Variants in TGFBR3 observed in about 807,000 individuals in gnomAD.
TGFBR3 encodes the protein transforming growth factor beta receptor type 3.
A neutral mutation model predicts 87.9 loss-of-function variants in TGFBR3; 46 were observed. The observed-to-expected ratio is 0.52, with a 90% CI of 0.41 to 0.67. The LOEUF is 0.67. TGFBR3 is among the 30% of genes least tolerant of loss of function. The pLI, the probability that TGFBR3 is intolerant of heterozygous loss-of-function variation, is 0.00. For missense variants in TGFBR3, 866 were observed against 1,041.9 expected, an observed-to-expected ratio of 0.83 and a Z score of 2.32; for synonymous variants, 381 against 391.6, an observed-to-expected ratio of 0.97 and a Z score of 0.32.
At chr1:91,803,899 C>T (rs1321220941) in intron 2 of TGFBR3, among the ~76,000 whole-genome samples, 1 of 152,198 alleles carries the variant, frequency 6.6e-6, no homozygotes. Context: ...ATGAGATGTA[C>T]ATAATTATTT....
chr1:91,688,757 A>G (rs1671177523), intron 16 of TGFBR3, among the ~76,000 whole-genome samples: 1 of 152,148 alleles, frequency 6.6e-6, no homozygotes, highest in East Asian at 1.9e-4. Context: ...CGCATACCCA[A>G]AAGTCCACCC....
At chr1:91,688,648 T>C (rs1671173733) in intron 16 of TGFBR3, among the ~76,000 whole-genome samples, 1 of 152,114 alleles carries the variant, frequency 6.6e-6, no homozygotes. Flanking sequence ...CATAATAAAA[T>C]GCTGAAGTTT....
In TGFBR3 at chr1:91,814,497, A is replaced by G. The variant is rs192903994; in HGVS notation, c.62-17026T>C. Among the ~76,000 whole-genome samples, 62 of 152,322 alleles carry G rather than the reference A, an allele frequency of 4.1e-4. 1 individual carries two copies. Among genetic ancestry groups the G allele is most frequent in the South Asian group, 8.3e-4 (4 of 4,832 alleles). On this transcript the variant is annotated intron_variant, in intron 2 of 16. Coordinates refer to ENST00000212355, the MANE Select transcript of TGFBR3 (RefSeq NM_003243.5). ...AAAACTACATATTTGAGCCAAAGAA[A>G]AAAATAAACTATGCTCAACCCCTTT...
rs1461738420 is a variant in TGFBR3, at chr1:91,695,647, A to G, written c.2437+25T>C. The G allele has an allele frequency of 1.9e-6, 3 of 1,580,080 alleles. 1 individual carries two copies. ...TGGCAGGAACACAAGCTGTTCACCA[A>G]CTCTTACTCAACAGTCACACTAACC... On this transcript the variant is annotated intron_variant, in intron 16 of 16. Transcript: ENST00000212355.
intron 1 of TGFBR3, among the ~76,000 whole-genome samples, chr1:91,903,592 T>A (rs1012068534): frequency 3.1e-4 from 47 of 150,406 alleles, no homozygotes; most frequent in African/African-American, 1.1e-3. Context: ...AAAAAAAATT[T>A]AAAAATTAGC....
chr1:91,741,171 G>C (rs990543245), intron 4 of TGFBR3, among the ~76,000 whole-genome samples: 2 of 152,230 alleles, frequency 1.3e-5, no homozygotes, highest in African/African-American at 4.8e-5. Context: ...CCCCTCTTCA[G>C]ATGCTTCTGA....
chr1:91,856,114 G>T (rs747429817), intron 2 of TGFBR3, among the ~76,000 whole-genome samples: 2 of 152,128 alleles, frequency 1.3e-5, no homozygotes, highest in African/African-American at 2.4e-5. Flanking sequence ...CCAGGCTGGA[G>T]TGCAGTGGCG....
chr1:91,830,831 G>A (rs756998989), intron 2 of TGFBR3, among the ~76,000 whole-genome samples: 4 of 152,128 alleles, frequency 2.6e-5, no homozygotes, highest in Non-Finnish European at 5.9e-5. Context: ...AATGATCCTG[G>A]AAAAGTGAGT....
Position 91,886,114 on chromosome 1 carries a change from G to A in TGFBR3, c.-350C>T, listed in dbSNP as rs1417383905. 4.4e-6 allele frequency: 2 copies of A among 454,008 alleles called. No homozygotes were observed. The highest frequency in any genetic ancestry group is 4.0e-5 in the African/African-American group (2 of 50,024). The allele number at this position is 454,008 out of a possible 1,614,324, so 28.1% of individuals were successfully genotyped here. On this transcript the variant is annotated 5_prime_UTR_variant, in exon 1 of 17. Transcript: ENST00000212355. ...ACTGCCCTCCTTCACTCGCTGGGAAGAGGAAAGTGCCGCTCGGCGTCCCCG... is the reference window on the plus strand; with the variant it reads ...ACTGCCCTCCTTCACTCGCTGGGAAAAGGAAAGTGCCGCTCGGCGTCCCCG...
At chr1:91,754,556 G>A (rs1673672652) in intron 4 of TGFBR3, among the ~76,000 whole-genome samples, 1 of 152,118 alleles carries the variant, frequency 6.6e-6, no homozygotes, top group South Asian at 2.1e-4. Flanking sequence ...AGAATAACCA[G>A]ATAAAGGAGC....
intron 12 of TGFBR3, 121 bp downstream of exon 12, chr1:91,716,115 G>C (rs1436725741): frequency 8.9e-6 from 11 of 1,229,524 alleles, no homozygotes; most frequent in Admixed American, 7.7e-5. Context: ...TCCCTCATCA[G>C]ACCTGTTGAA....
At chr1:91,828,544 C>T (rs1333819040) in intron 2 of TGFBR3, among the ~76,000 whole-genome samples, 1 of 152,156 alleles carries the variant, frequency 6.6e-6, no homozygotes, top group Non-Finnish European at 1.5e-5. Context: ...CAGGAGAGTT[C>T]ATAAGGAATT....
At chr1:91,850,020 G>GA in intron 2 of TGFBR3, among the ~76,000 whole-genome samples, 1 of 141,318 alleles carries the variant, frequency 7.1e-6, no homozygotes. Flanking sequence ...GGCAGAGCTT[G>GA]CAGTGAGCTG....
In TGFBR3 at chr1:91,680,433, A is replaced by G. The variant is rs1202165770; in HGVS notation, c.*3306T>C. On this transcript the variant is annotated 3_prime_UTR_variant, in exon 17 of 17. Coordinates refer to ENST00000212355, the MANE Select transcript of TGFBR3 (RefSeq NM_003243.5). ...CTATACATCTAAGCATCTTCACAAA[A>G]TAGCTGACACACTGAACAGAGAAAA... 4.4e-6 allele frequency: 2 copies of G among 454,024 alleles called. No homozygotes were observed. The highest frequency in any genetic ancestry group is 2.0e-5 in the African/African-American group (1 of 50,018). 28.1% of individuals were successfully genotyped at this position (454,024 alleles called of 1,614,324 possible). A position where few individuals can be genotyped will look rare whatever the true frequency, so the allele number is the denominator to read the frequency against.
intron 2 of TGFBR3, among the ~76,000 whole-genome samples, chr1:91,820,878 A>C (rs1676424738): frequency 6.6e-6 from 1 of 152,222 alleles, no homozygotes; most frequent in Admixed American, 6.5e-5. Flanking sequence ...ACATACATGC[A>C]TAGAAAAAGG....
intron 4 of TGFBR3, chr1:91,755,165 T>C (rs915470320): frequency 2.5e-4 from 38 of 152,170 alleles, no homozygotes; most frequent in African/African-American, 9.2e-4. Context: ...AATTTAGTTA[T>C]CTTATCCCCA....
chr1:91,741,590 G>C (rs1335967462), intron 4 of TGFBR3, among the ~76,000 whole-genome samples: 2 of 152,134 alleles, frequency 1.3e-5, no homozygotes, highest in Admixed American at 1.3e-4. Flanking sequence ...TCACATGGTT[G>C]GTTCCCTTGG....
rs545716736 is a variant in TGFBR3 at position 91,872,459 on chromosome 1, G to A, written c.-113-10815C>T. On this transcript the variant is annotated intron_variant, in intron 1 of 16. Transcript: ENST00000212355. The stretch of plus-strand genomic sequence containing the variant: ...ATGGTAATTTAATTTTAAAGAATCC[G>A]TTCTCCAATGTCCTTTTTGCCTAAA... Among the ~76,000 whole-genome samples the A allele has an allele frequency of 1.2e-3, 186 of 152,260 alleles. 1 individual carries two copies. Among genetic ancestry groups the A allele is most frequent in the African/African-American group, 4.3e-3 (178 of 41,540 alleles).
At chr1:91,750,036 G>A (rs1028720706) in intron 4 of TGFBR3, among the ~76,000 whole-genome samples, 22 of 152,126 alleles carry the variant, frequency 1.4e-4, no homozygotes, top group African/African-American at 4.6e-4. Flanking sequence ...CACCAACCTT[G>A]CCTCCTCAGT....
Sources: allele counts gnomAD v4.1 joint callset (sites outside exome capture counted in the v4.1 genomes callset), GRCh38; gene constraint gnomAD v4.1.1; transcripts MANE v1.5; gene names NCBI Gene and HGNC (gene_info 2026-07-23, HGNC 2026-07-21).